The following FGF12 variants were observed in gnomAD, a reference collection of about 807,000 sequenced individuals.
The protein encoded by FGF12 is fibroblast growth factor 12.
FGF12 carries 14 observed loss-of-function variants against 23.6 expected under a neutral mutation model. The ratio of observed to expected loss-of-function variants is 0.59; its 90% CI spans 0.39 to 0.93. The LOEUF is 0.93. Ranked by LOEUF, FGF12 falls within the 40% of genes least tolerant of loss-of-function variation. The pLI, the probability that FGF12 is intolerant of heterozygous loss-of-function variation, is 0.00. For synonymous variants in FGF12, 62 were observed against 77.3 expected, an observed-to-expected ratio of 0.80 and a Z score of 1.04; for missense variants, 175 against 217.8, an observed-to-expected ratio of 0.80 and a Z score of 1.24.
intron 2 of FGF12, among the ~76,000 whole-genome samples, chr3:192,724,014 G>A (rs1428773408): frequency 9.4e-5 from 13 of 137,864 alleles, no homozygotes; most frequent in Non-Finnish European, 2.0e-4. Context: ...AAGAAAGGGA[G>A]GAAGGGAAAA....
chr3:192,226,294 T>C (rs990439741), intron 4 of FGF12, among the ~76,000 whole-genome samples: 3 of 152,204 alleles, frequency 2.0e-5, no homozygotes, highest in African/African-American at 7.2e-5. Flanking sequence ...TGTCACATAG[T>C]ATCGGTACTC....
chr3:192,597,397 A>G (rs1713905023), intron 2 of FGF12, among the ~76,000 whole-genome samples: 1 of 152,214 alleles, frequency 6.6e-6, no homozygotes. Flanking sequence ...ACCAGCATGT[A>G]TTACCATCAT....
intron 2 of FGF12, among the ~76,000 whole-genome samples, chr3:192,615,332 A>G (rs1447052070): frequency 2.0e-5 from 3 of 152,008 alleles, no homozygotes; most frequent in African/African-American, 7.2e-5. Flanking sequence ...CTCTATAATT[A>G]TAGAATTAAG....
At chr3:192,272,705 T>G (rs1244406880) in intron 4 of FGF12, among the ~76,000 whole-genome samples, 1 of 152,140 alleles carries the variant, frequency 6.6e-6, no homozygotes, top group Admixed American at 6.5e-5. Flanking sequence ...TCCCTGTGTG[T>G]CAGAGAATGT....
rs151244277 is a variant in FGF12, at chr3:192,460,589, C to A, written c.14-100051G>T. 5.4e-3 allele frequency among the ~76,000 whole-genome samples: 816 copies of A among 151,838 alleles called. 6 individuals are homozygous for A. Among genetic ancestry groups the A allele is most frequent in the African/African-American group, 0.019 (783 of 41,400 alleles). On this transcript the variant is annotated intron_variant, in intron 2 of 5. Coordinates refer to ENST00000445105, the MANE Select transcript of FGF12 (RefSeq NM_004113.6). ...GGCTACAGACGCTTTCCGAATCTCC[C>A]CTCTGTAGCTCCACACTCACCCCTT...
intron 4 of FGF12, among the ~76,000 whole-genome samples, chr3:192,233,538 A>G (rs1337159587): frequency 3.3e-5 from 5 of 152,094 alleles, no homozygotes; most frequent in African/African-American, 1.2e-4. Flanking sequence ...TATGCAGAAG[A>G]TCTTTAGTTT....
In FGF12 at chr3:192,409,477, C is replaced by T. The variant is rs1721109859; in HGVS notation, c.14-48939G>A. On this transcript the variant is annotated intron_variant, in intron 2 of 5. Transcript: ENST00000445105. This position sits in a 1 kb window ranked among gnomAD's most constrained non-coding sequence, Gnocchi z 4.8. ...CATCGCCGCGCTGCTGCCCGTGCCC[C>T]CTAGGCTCGCGCGCCCCGGCAGTCA... Among the ~76,000 whole-genome samples the T allele has an allele frequency of 6.6e-6, 1 of 152,132 alleles. No individual in the cohort carries two copies. Among genetic ancestry groups the T allele is most frequent in the African/African-American group, 2.4e-5 (1 of 41,456 alleles).
chr3:192,312,421 T>G (rs551688106), intron 4 of FGF12, among the ~76,000 whole-genome samples: 6 of 150,532 alleles, frequency 4.0e-5, no homozygotes, highest in Non-Finnish European at 7.4e-5. Flanking sequence ...TTTTTTTTTT[T>G]CTGCTACCAT....
chr3:192,462,318 G>C (rs1407792380), intron 2 of FGF12, among the ~76,000 whole-genome samples: 1 of 152,006 alleles, frequency 6.6e-6, no homozygotes, highest in Non-Finnish European at 1.5e-5. Context: ...GGGTCTTGAG[G>C]GCTCTGACTC....
intron 2 of FGF12, among the ~76,000 whole-genome samples, chr3:192,495,849 A>G (rs1723939753): frequency 6.6e-6 from 1 of 152,026 alleles, no homozygotes; most frequent in South Asian, 2.1e-4. Context: ...ATATATTTAT[A>G]TACAGGGTTT....
chr3:192,692,414 C>T (rs767776297), intron 2 of FGF12, among the ~76,000 whole-genome samples: 7 of 152,008 alleles, frequency 4.6e-5, no homozygotes, highest in Admixed American at 2.6e-4. Context: ...GATTAAAAAC[C>T]ACATGATCAG....
intron 2 of FGF12, among the ~76,000 whole-genome samples, chr3:192,488,281 G>A (rs1723696962): frequency 6.6e-6 from 1 of 151,974 alleles, no homozygotes; most frequent in East Asian, 1.9e-4. Context: ...TGAAATATCT[G>A]GGGAATATTT....
chr3:192,727,174 C>T lies in FGF12; in HGVS notation c.13+7G>A. 1 of 1,578,658 alleles carries T rather than the reference C, an allele frequency of 6.3e-7. No individual in the cohort carries two copies. Among genetic ancestry groups the T allele is most frequent in the Non-Finnish European group, 8.6e-7 (1 of 1,162,100 alleles). On this transcript the variant is annotated splice_region_variant and intron_variant, in intron 2 of 5. Transcript: ENST00000445105. ...CGGGAAGTCCCCCGATAGGGACAAC[C>T]ACATACCTTTGCTCTCCATTTCGGT...
chr3:192,177,032 T>C (rs1265531026), intron 4 of FGF12, among the ~76,000 whole-genome samples: 1 of 152,212 alleles, frequency 6.6e-6, no homozygotes. Flanking sequence ...AATAATTATG[T>C]CAAGACATCA....
chr3:192,144,394 T>C (rs1713576942), intron 5 of FGF12, among the ~76,000 whole-genome samples: 1 of 148,354 alleles, frequency 6.7e-6, no homozygotes, highest in Admixed American at 6.7e-5. Context: ...ATCTTTACAG[T>C]TTCCTAACCT....
chr3:192,715,731 GT>G (rs1381562989), intron 2 of FGF12, among the ~76,000 whole-genome samples: 1 of 152,202 alleles, frequency 6.6e-6, no homozygotes, highest in African/African-American at 2.4e-5. Context: ...CCAGCTGTCA[GT>G]TCTTCCTAGG....
chr3:192,694,930 A>G (rs758905258), intron 2 of FGF12, among the ~76,000 whole-genome samples: 1 of 152,080 alleles, frequency 6.6e-6, no homozygotes, highest in Non-Finnish European at 1.5e-5. Flanking sequence ...GTTGTGTAGG[A>G]TAAGTAGAGA....
chr3:192,453,646 A>AT (rs1166208183), intron 2 of FGF12, among the ~76,000 whole-genome samples: 7 of 151,810 alleles, frequency 4.6e-5, no homozygotes, highest in African/African-American at 9.7e-5. Flanking sequence ...GAATATTTGC[A>AT]TTTTTTTTGT....
intron 2 of FGF12, among the ~76,000 whole-genome samples, chr3:192,631,242 A>C (rs993084780): frequency 1.3e-5 from 2 of 152,048 alleles, no homozygotes; most frequent in African/African-American, 4.8e-5. Flanking sequence ...GAAGAGTCCT[A>C]TTCCTAAACT....
Sources: allele counts gnomAD v4.1 joint callset (sites outside exome capture counted in the v4.1 genomes callset), GRCh38; gene constraint gnomAD v4.1.1; non-coding constraint Gnocchi (gnomAD v3.1); transcripts MANE v1.5; gene names NCBI Gene and HGNC (gene_info 2026-07-23, HGNC 2026-07-21).